ASPH: variants seen among roughly 807,000 people sequenced by gnomAD.
ASPH encodes the protein aspartate beta-hydroxylase, also known as aspartyl/asparaginyl beta-hydroxylase.
A neutral mutation model predicts 118.4 loss-of-function variants in ASPH; 100 were observed. The observed-to-expected ratio is 0.84, with a 90% CI of 0.72 to 1.00. The LOEUF is 1.00. ASPH is among the 50% of genes least tolerant of loss of function. The pLI is 0.00. For synonymous variants in ASPH, 315 were observed against 325.6 expected, an observed-to-expected ratio of 0.97 and a Z score of 0.35; for missense variants, 920 against 919.5, an observed-to-expected ratio of 1.00 and a Z score of -0.01.
chr8:61,667,959 A>G (rs547529528), intron 3 of ASPH, among the ~76,000 whole-genome samples: 3 of 150,618 alleles, frequency 2.0e-5, no homozygotes, highest in Non-Finnish European at 4.4e-5. Context: ...CATAACAAAT[A>G]TAACATATTT....
chr8:61,530,523 T>C (rs1817173680), intron 21 of ASPH, among the ~76,000 whole-genome samples: 1 of 152,182 alleles, frequency 6.6e-6, no homozygotes, highest in Non-Finnish European at 1.5e-5. Flanking sequence ...AGTTTCCTCA[T>C]CTCCCCAGAC....
intron 14 of ASPH, among the ~76,000 whole-genome samples, chr8:61,584,482 C>T (rs1362345407): frequency 1.3e-5 from 2 of 152,132 alleles, no homozygotes; most frequent in African/African-American, 2.4e-5. Flanking sequence ...AGAATTTCTT[C>T]GTTTAGCATT....
chr8:61,554,341 A>G (rs1827075250), intron 19 of ASPH, among the ~76,000 whole-genome samples: 1 of 152,244 alleles, frequency 6.6e-6, no homozygotes, highest in Admixed American at 6.5e-5. Context: ...AAGGCAAGCA[A>G]TTAAAATGGT....
chr8:61,542,754 C>T (rs1586804894), intron 21 of ASPH, among the ~76,000 whole-genome samples: 1 of 152,158 alleles, frequency 6.6e-6, no homozygotes, highest in East Asian at 1.9e-4. Flanking sequence ...ATCTAAAGAA[C>T]TGCCTTTAAT....
At chr8:61,519,295 C>T (rs2129619732) in intron 22 of ASPH, among the ~76,000 whole-genome samples, 1 of 152,234 alleles carries the variant, frequency 6.6e-6, no homozygotes, top group African/African-American at 2.4e-5. Context: ...GCATTCATGA[C>T]ATACCTAATT....
At chr8:61,567,100 C>G in intron 17 of ASPH, 68 bp downstream of exon 17, 1 of 1,535,816 alleles carries the variant, frequency 6.5e-7, no homozygotes, top group Non-Finnish European at 8.8e-7. Flanking sequence ...GAGAAGAATA[C>G]ACTCTTCAGC....
intron 21 of ASPH, among the ~76,000 whole-genome samples, chr8:61,534,917 A>G (rs1437074939): frequency 6.6e-6 from 1 of 152,250 alleles, no homozygotes; most frequent in Non-Finnish European, 1.5e-5. Flanking sequence ...TTCAAGACCA[A>G]GGTCAGCAAG....
chr8:61,616,070 T>G (rs2134099394), intron 14 of ASPH, among the ~76,000 whole-genome samples: 1 of 152,338 alleles, frequency 6.6e-6, no homozygotes, highest in African/African-American at 2.4e-5. Flanking sequence ...TCCCCCTTAA[T>G]AAAATACTTT....
At chr8:61,590,568 G>A (rs193220095) in intron 14 of ASPH, among the ~76,000 whole-genome samples, 5 of 151,518 alleles carry the variant, frequency 3.3e-5, no homozygotes, top group East Asian at 1.9e-4. Flanking sequence ...GTGTGTGTGT[G>A]TGTGTGTGTG....
intron 13 of ASPH, chr8:61,624,740 AC>A: frequency 2.0e-6 from 2 of 985,730 alleles, no homozygotes; most frequent in Non-Finnish European, 2.4e-6. Flanking sequence ...ATCCAGCAAA[AC>A]TTACTTTTAC....
At chr8:61,625,659 A>G (rs1204056619) in intron 13 of ASPH, 1 of 982,670 alleles carries the variant, frequency 1.0e-6, no homozygotes, top group African/African-American at 1.7e-5. Flanking sequence ...TTTCTAATTA[A>G]TCAGCTAAAA....
intron 1 of ASPH, among the ~76,000 whole-genome samples, chr8:61,699,594 GA>G (rs898395637): frequency 2.7e-4 from 40 of 147,244 alleles, no homozygotes; most frequent in African/African-American, 8.7e-4. Flanking sequence ...GTTGCAATGA[GA>G]AAAAAAAAAT....
intron 14 of ASPH, among the ~76,000 whole-genome samples, chr8:61,593,805 G>A (rs1437134599): frequency 2.6e-5 from 4 of 152,132 alleles, no homozygotes; most frequent in African/African-American, 4.8e-5. Context: ...AAAGCAGTCC[G>A]CAGCCTCACC....
At chr8:61,580,190 A>G (rs1330657966) in intron 15 of ASPH, among the ~76,000 whole-genome samples, 2 of 152,132 alleles carry the variant, frequency 1.3e-5, no homozygotes, top group Non-Finnish European at 2.9e-5. Context: ...CACACAGTAC[A>G]AGCTGTTGGT....
chr8:61,638,308 C>A lies in ASPH; in HGVS notation c.832+14G>T. 1 of 1,597,048 alleles carries A rather than the reference C, an allele frequency of 6.3e-7. No homozygotes were observed. The highest frequency in any genetic ancestry group is 1.2e-5 in the South Asian group (1 of 86,148). The stretch of plus-strand genomic sequence containing the variant: ...CTGACTTGCAGAAAATATGTGCTTA[C>A]AGAAAAAACTTACCTGTGATTTCTA... On this transcript the variant is annotated intron_variant, in intron 11 of 24. Coordinates refer to ENST00000379454, the MANE Select transcript of ASPH (RefSeq NM_004318.4).
At position 61,618,971 on chromosome 8, in the gene ASPH, A is replaced by C. The variant is rs777539734; in HGVS notation, c.976+7T>G. The C allele has an allele frequency of 6.3e-7, 1 of 1,599,612 alleles. No individual in the cohort carries two copies. Among genetic ancestry groups the C allele is most frequent in the Non-Finnish European group, 8.6e-7 (1 of 1,168,490 alleles). On this transcript the variant is annotated splice_region_variant and intron_variant, in intron 14 of 24. Transcript: ENST00000379454. ...TATTTTAAAGGCTGTTTATTTGACA[A>C]TCTCACCTTTTGCTTTTTGTTCTGG...
At chr8:61,686,776 G>A (rs911012680) in intron 1 of ASPH, among the ~76,000 whole-genome samples, 2 of 152,062 alleles carry the variant, frequency 1.3e-5, no homozygotes, top group African/African-American at 4.8e-5. Context: ...CAAAAGGAAT[G>A]CTAAAACTTC....
intron 2 of ASPH, among the ~76,000 whole-genome samples, chr8:61,681,665 C>A (rs1035676668): frequency 6.6e-6 from 1 of 151,648 alleles, no homozygotes; most frequent in Non-Finnish European, 1.5e-5. Flanking sequence ...TAAAGGAAAA[C>A]TTATGATTAT....
chr8:61,638,280 A>G (rs1248573600), intron 11 of ASPH, 42 bp downstream of exon 11: 3 of 1,587,486 alleles, frequency 1.9e-6, no homozygotes. Flanking sequence ...AATACAGGGA[A>G]AGCTGACTTG....
Sources: gnomAD v4.1 joint callset for allele counts (sites outside exome capture counted in the v4.1 genomes callset) on GRCh38, gnomAD v4.1.1 for gene constraint, MANE v1.5 for transcripts, NCBI Gene and HGNC (gene_info 2026-07-23, HGNC 2026-07-21) for gene names.